The following ERG variants were observed in gnomAD, a reference collection of about 807,000 sequenced individuals.
ERG encodes the protein transcriptional regulator ERG.
In ERG, 9 loss-of-function variants were observed where a neutral mutation model predicts 55.3. The observed-to-expected ratio is 0.16, with a 90% CI of 0.10 to 0.28. ERG has a LOEUF of 0.28. Among genes scored for constraint, ERG ranks in the 10% least tolerant of loss-of-function variants. ERG has a pLI of 1.00. For synonymous variants in ERG, 223 were observed against 237.3 expected (o/e 0.94, Z 0.55); for missense variants, 434 against 631.6 (o/e 0.69, Z 3.35).
At chr21:38,529,577 G>C (rs2032322) in intron 2 of ERG, among the ~76,000 whole-genome samples, 92,967 of 152,062 alleles carry the variant, frequency 0.61, 28,655 homozygotes, top group Middle Eastern at 0.71. Context: ...TTTTCTTAGA[G>C]AGAAGCCACG....
intron 1 of ERG, among the ~76,000 whole-genome samples, chr21:38,625,189 CA>C (rs1242562801): frequency 6.6e-6 from 1 of 151,926 alleles, no homozygotes; most frequent in African/African-American, 2.4e-5. Context: ...AGGTACACTT[CA>C]AAAAAGTGCT....
At chr21:38,410,592 G>C (rs1412240336) in intron 3 of ERG, among the ~76,000 whole-genome samples, 1 of 152,182 alleles carries the variant, frequency 6.6e-6, no homozygotes. Context: ...GTGGGAGGGA[G>C]GGAGGAAGGC....
intron 1 of ERG, among the ~76,000 whole-genome samples, chr21:38,456,957 T>C (rs2058995685): frequency 6.6e-6 from 1 of 152,260 alleles, no homozygotes; most frequent in Non-Finnish European, 1.5e-5. Context: ...ACACTTTTCA[T>C]GCACTAACAA....
chr21:38,484,571 G>C (rs1185043044), intron 1 of ERG, among the ~76,000 whole-genome samples: 1 of 152,202 alleles, frequency 6.6e-6, no homozygotes, highest in Non-Finnish European at 1.5e-5. Context: ...TTCAGCTGTT[G>C]AAAGTTTGGT....
At chr21:38,437,693 C>T (rs2058803628) in intron 2 of ERG, among the ~76,000 whole-genome samples, 1 of 152,136 alleles carries the variant, frequency 6.6e-6, no homozygotes, top group Non-Finnish European at 1.5e-5. Flanking sequence ...AAGCCTTGGC[C>T]CATCCTCGCT....
At position 38,400,473 on chromosome 21, in the gene ERG, C is replaced by T. The variant is rs563002961; in HGVS notation, c.745+101G>A. The T allele has an allele frequency of 1.7e-5, 16 of 938,450 alleles. No homozygotes were observed. The East Asian group carries it at 2.4e-4, about 14-fold the overall frequency. The allele number at this position is 938,450 out of a possible 1,614,324, so 58.1% of individuals were successfully genotyped here. ...GACTGTCTGGGACTGGCTTCAGCTC[C>T]GGGATCAGCTCTCTTTGTATCACGT... On this transcript the variant is annotated intron_variant, in intron 6 of 9. Coordinates refer to ENST00000288319, the MANE Select transcript of ERG (RefSeq NM_182918.4).
At chr21:38,378,375 A>T (rs555808316), downstream of ERG, among the ~76,000 whole-genome samples, 2 of 152,344 alleles carry the variant, frequency 1.3e-5, no homozygotes, top group South Asian at 4.1e-4. Flanking sequence ...TGACCATTCC[A>T]TCTGGACCTC....
chr21:38,577,502 C>A (rs2060001863), intron 1 of ERG, among the ~76,000 whole-genome samples: 1 of 151,998 alleles, frequency 6.6e-6, no homozygotes, highest in African/African-American at 2.4e-5. Context: ...ACTGAAAGTA[C>A]AGAGGGAGTG....
At chr21:38,491,714 A>C (rs544531912) in intron 1 of ERG, among the ~76,000 whole-genome samples, 1 of 152,296 alleles carries the variant, frequency 6.6e-6, no homozygotes, top group African/African-American at 2.4e-5. Context: ...AGACTTGTTA[A>C]GGCCTTATGG....
chr21:38,566,389 C>T (rs1007246459), intron 2 of ERG, among the ~76,000 whole-genome samples: 2 of 152,184 alleles, frequency 1.3e-5, no homozygotes, highest in Non-Finnish European at 2.9e-5. Context: ...GGATAATGAT[C>T]CTCAACCCCC....
intron 1 of ERG, among the ~76,000 whole-genome samples, chr21:38,624,785 G>A (rs528377767): frequency 6.6e-6 from 1 of 152,218 alleles, no homozygotes; most frequent in Admixed American, 6.5e-5. Flanking sequence ...TAAATGTAAA[G>A]CACCTAGAAT....
upstream of ERG, among the ~76,000 whole-genome samples, chr21:38,588,742 A>G (rs2060082096): frequency 6.6e-6 from 1 of 152,116 alleles, no homozygotes; most frequent in Non-Finnish European, 1.5e-5. Flanking sequence ...GTTTTGATAC[A>G]GGATTCTCTC....
chr21:38,398,986 T>C (rs1262816015), intron 6 of ERG, among the ~76,000 whole-genome samples: 2 of 152,254 alleles, frequency 1.3e-5, no homozygotes, highest in African/African-American at 4.8e-5. Context: ...TTTTTTAGTT[T>C]ATATGGAAAT....
chr21:38,498,974 G>A (rs1218124031), upstream of ERG, among the ~76,000 whole-genome samples: 1 of 152,176 alleles, frequency 6.6e-6, no homozygotes, highest in Admixed American at 6.5e-5. The surrounding 1 kb of genome is among the most constrained non-coding windows in gnomAD (Gnocchi z 4.6). Context: ...TTGCCTGGCT[G>A]ATTTTTAACA....
intron 2 of ERG, among the ~76,000 whole-genome samples, chr21:38,508,904 G>C (rs1273018948): frequency 2.0e-5 from 3 of 152,120 alleles, no homozygotes; most frequent in African/African-American, 4.8e-5. Flanking sequence ...ATTTTCTTGG[G>C]AACAGCCACT....
At chr21:38,497,289 C>G (rs1168308084) in intron 1 of ERG, among the ~76,000 whole-genome samples, 1 of 152,190 alleles carries the variant, frequency 6.6e-6, no homozygotes, top group African/African-American at 2.4e-5. Context: ...TCTGGGCAAA[C>G]TTCCATTTTC....
At chr21:38,417,259 G>A (rs1410425396) in intron 3 of ERG, among the ~76,000 whole-genome samples, 1 of 152,218 alleles carries the variant, frequency 6.6e-6, no homozygotes, top group East Asian at 1.9e-4. Flanking sequence ...GCAAGAAAAG[G>A]TGATTTTAAA....
At chr21:38,657,939 C>T (rs1319945522) in intron 1 of ERG, among the ~76,000 whole-genome samples, 1 of 152,208 alleles carries the variant, frequency 6.6e-6, no homozygotes, top group Non-Finnish European at 1.5e-5. Context: ...ACCACTGCCA[C>T]TAAGTACCAT....
exon 2 of ERG, chr21:38,575,682 C>T: frequency 6.2e-7 from 1 of 1,613,922 alleles, no homozygotes; most frequent in Non-Finnish European, 8.5e-7. Flanking sequence ...GCTGCTGGGT[C>T]CGGGACAGTC....
Sources: allele counts gnomAD v4.1 joint callset (sites outside exome capture counted in the v4.1 genomes callset), GRCh38; gene constraint gnomAD v4.1.1; non-coding constraint Gnocchi (gnomAD v3.1); transcripts MANE v1.5; gene names NCBI Gene and HGNC (gene_info 2026-07-23, HGNC 2026-07-21).